The following ST6GAL2 variants were observed in gnomAD, a reference collection of about 807,000 sequenced individuals.
ST6GAL2 encodes beta-galactoside alpha-2,6-sialyltransferase 2.
ST6GAL2 carries 24 observed loss-of-function variants against 37.5 expected under a neutral mutation model. The ratio of observed to expected loss-of-function variants is 0.64; its 90% CI spans 0.46 to 0.90. The LOEUF (loss-of-function observed/expected upper bound fraction) is 0.90, where lower values mean the gene tolerates loss of function less well. ST6GAL2 is among the 40% of genes least tolerant of loss of function. The pLI, the probability that ST6GAL2 is intolerant of heterozygous loss-of-function variation, is 0.00. For synonymous variants in ST6GAL2, 306 were observed against 295.1 expected (o/e 1.04, Z -0.38); for missense variants, 715 against 712.7 (o/e 1.00, Z -0.04).
At chr2:106,833,972 G>T (rs905746834) in intron 3 of ST6GAL2, 77 bp downstream of exon 3, 5 of 1,077,526 alleles carry the variant, frequency 4.6e-6, no homozygotes, top group Non-Finnish European at 7.1e-6. Flanking sequence ...TCACTCATCC[G>T]GTTAAACTCA....
At chr2:106,810,091 TC>T (rs1346279174) in intron 5 of ST6GAL2, among the ~76,000 whole-genome samples, 1 of 152,188 alleles carries the variant, frequency 6.6e-6, no homozygotes, top group Non-Finnish European at 1.5e-5. Context: ...TCCCTATACA[TC>T]CTTGCTATCC....
intron 1 of ST6GAL2, among the ~76,000 whole-genome samples, chr2:106,883,126 C>T (rs1356546175): frequency 6.6e-6 from 1 of 152,194 alleles, no homozygotes; most frequent in African/African-American, 2.4e-5. Context: ...ACTTCATCCC[C>T]TTTAAATGTA....
In ST6GAL2 at chr2:106,823,316, C is replaced by T. The variant is rs74575676; in HGVS notation, c.1318+6750G>A. On this transcript the variant is annotated intron_variant, in intron 5 of 5. Coordinates refer to ENST00000409382, the MANE Select transcript of ST6GAL2 (RefSeq NM_001142351.2). The stretch of plus-strand genomic sequence containing the variant: ...TGCCTATGGGGTACTAGATCAATGA[C>T]AATTCTGATGTCACAATATCTCCAG... Among the ~76,000 whole-genome samples the T allele has an allele frequency of 2.2e-3, 328 of 152,016 alleles. 1 individual carries two copies. The highest frequency in any genetic ancestry group is 7.7e-3 in the African/African-American group (319 of 41,470).
At chr2:106,825,879 G>C (rs1393683128) in intron 5 of ST6GAL2, among the ~76,000 whole-genome samples, 1 of 152,202 alleles carries the variant, frequency 6.6e-6, no homozygotes, top group Non-Finnish European at 1.5e-5. Flanking sequence ...CCACATGACA[G>C]TGACCCTTAC....
chr2:106,806,416 A>G lies in ST6GAL2; in HGVS notation c.*262T>C, dbSNP rs980674097. On this transcript the variant is annotated 3_prime_UTR_variant, in exon 6 of 6. Transcript: ENST00000409382. ...TAACATTTCTGGAGGTATCATACCCATGGTCATACATGTGTTTTCTTTCTA... is the reference window on the plus strand; with the variant it reads ...TAACATTTCTGGAGGTATCATACCCGTGGTCATACATGTGTTTTCTTTCTA... The G allele has an allele frequency of 4.6e-6, 2 of 436,208 alleles. No homozygotes were observed. Among genetic ancestry groups the G allele is most frequent in the East Asian group, 8.0e-5 (2 of 24,856 alleles). The allele number at this position is 436,208 out of a possible 1,614,324, so 27.0% of individuals were successfully genotyped here. A position where few individuals can be genotyped will look rare whatever the true frequency, so the allele number is the denominator to read the frequency against.
intron 2 of ST6GAL2, among the ~76,000 whole-genome samples, chr2:106,838,111 T>C (rs1041212114): frequency 8.5e-5 from 13 of 152,154 alleles, no homozygotes; most frequent in Non-Finnish European, 1.8e-4. Flanking sequence ...ACTGTGAGAA[T>C]AGAAGCTGTC....
intron 5 of ST6GAL2, chr2:106,813,146 T>G: frequency 8.2e-7 from 1 of 1,222,766 alleles, no homozygotes; most frequent in Non-Finnish European, 1.0e-6. Context: ...GGAGTCTCAC[T>G]CTGTCGTCCA....
chr2:106,851,752 C>G (rs150204581), intron 1 of ST6GAL2, among the ~76,000 whole-genome samples: 3 of 151,098 alleles, frequency 2.0e-5, no homozygotes, highest in Admixed American at 2.0e-4. Context: ...GTCTGAGACA[C>G]ACTCACGTCC....
intron 2 of ST6GAL2, among the ~76,000 whole-genome samples, chr2:106,841,438 T>A (rs545414965): frequency 1.3e-5 from 2 of 152,192 alleles, no homozygotes; most frequent in African/African-American, 4.8e-5. Context: ...TATCTGGACT[T>A]GAGGCTGACG....
chr2:106,837,818 C>T (rs1676709677), intron 2 of ST6GAL2, among the ~76,000 whole-genome samples: 1 of 152,206 alleles, frequency 6.6e-6, no homozygotes, highest in Non-Finnish European at 1.5e-5. Flanking sequence ...TGGAGCTGTG[C>T]TCTAAACCAT....
chr2:106,886,430 C>T (rs1347617397), upstream of ST6GAL2: 2 of 152,142 alleles, frequency 1.3e-5, no homozygotes, highest in Non-Finnish European at 1.5e-5. Context: ...GATCACCTCT[C>T]CGGGGCCAGC....
chr2:106,841,799 A>C (rs1676896196), intron 2 of ST6GAL2, among the ~76,000 whole-genome samples: 1 of 152,150 alleles, frequency 6.6e-6, no homozygotes, highest in Admixed American at 6.5e-5. Context: ...CAGGAGGGAA[A>C]CGTATTTGAA....
At chr2:106,850,330 A>T (rs1249807975) in intron 1 of ST6GAL2, among the ~76,000 whole-genome samples, 1 of 152,138 alleles carries the variant, frequency 6.6e-6, no homozygotes, top group African/African-American at 2.4e-5. Context: ...GGGAAGTAGA[A>T]AGAGGCAGGA....
intron 1 of ST6GAL2, among the ~76,000 whole-genome samples, chr2:106,848,812 T>C (rs1353318723): frequency 1.3e-5 from 2 of 152,364 alleles, no homozygotes; most frequent in African/African-American, 2.4e-5. Context: ...AATGTGGCTA[T>C]GTAGCCTGCG....
At chr2:106,864,594 T>G (rs892272103) in intron 1 of ST6GAL2, among the ~76,000 whole-genome samples, 5 of 152,226 alleles carry the variant, frequency 3.3e-5, no homozygotes, top group Non-Finnish European at 7.3e-5. Flanking sequence ...CAACATAAGT[T>G]TTTTTCATTT....
At chr2:106,842,590 CTCT>C (rs1676935619) in intron 2 of ST6GAL2, among the ~76,000 whole-genome samples, 1 of 152,220 alleles carries the variant, frequency 6.6e-6, no homozygotes, top group African/African-American at 2.4e-5. Context: ...TTGCCTCCTC[CTCT>C]TGTTCCCTTC....
At chr2:106,827,122 G>A (rs1676239627) in intron 5 of ST6GAL2, among the ~76,000 whole-genome samples, 1 of 152,172 alleles carries the variant, frequency 6.6e-6, no homozygotes, top group South Asian at 2.1e-4. Context: ...GAGGTGCTGA[G>A]ACAACAAGTC....
intron 1 of ST6GAL2, among the ~76,000 whole-genome samples, chr2:106,860,858 T>C (rs1353473640): frequency 6.6e-6 from 1 of 152,190 alleles, no homozygotes; most frequent in Non-Finnish European, 1.5e-5. Context: ...CTTAGAAGTA[T>C]GTCTGAAAGT....
At chr2:106,882,734 CT>C (rs1469021097) in intron 1 of ST6GAL2, among the ~76,000 whole-genome samples, 19 of 152,180 alleles carry the variant, frequency 1.2e-4, no homozygotes, top group African/African-American at 4.3e-4. Flanking sequence ...CCTTTGCTCT[CT>C]AAGAAAGTCC....
Sources: gnomAD v4.1 joint callset for allele counts (sites outside exome capture counted in the v4.1 genomes callset) on GRCh38, gnomAD v4.1.1 for gene constraint, MANE v1.5 for transcripts, NCBI Gene and HGNC (gene_info 2026-07-23, HGNC 2026-07-21) for gene names.